The following MOK variants were observed in gnomAD, a reference collection of about 807,000 sequenced individuals.
The protein encoded by MOK is MOK protein kinase, also known as MAPK/MAK/MRK overlapping kinase.
MOK carries 59 observed loss-of-function variants against 54.2 expected under a neutral mutation model. The ratio of observed to expected loss-of-function variants is 1.09; its 90% confidence interval spans 0.88 to 1.35. MOK has a LOEUF of 1.35. Ranked by LOEUF, MOK falls within the 40% of genes most tolerant of loss-of-function variation. The pLI is 0.00. For synonymous variants in MOK, 210 were observed against 202.7 expected, an observed-to-expected ratio of 1.04 and a Z score of -0.31; for missense variants, 517 against 526.2, an observed-to-expected ratio of 0.98 and a Z score of 0.17.
intron 4 of MOK, among the ~76,000 whole-genome samples, chr14:102,254,896 C>A (rs911861611): frequency 1.2e-4 from 18 of 152,180 alleles, no homozygotes; most frequent in Non-Finnish European, 2.2e-4. Flanking sequence ...TCCAGGAACG[C>A]CCTTCCCAGC....
chr14:102,269,462 C>A (rs1034705528), intron 2 of MOK, among the ~76,000 whole-genome samples: 2 of 148,810 alleles, frequency 1.3e-5, no homozygotes, highest in African/African-American at 4.9e-5. Context: ...TGAGCCACCA[C>A]AACCAGCTTT....
At chr14:102,273,024 G>A (rs1314606521) in intron 2 of MOK, among the ~76,000 whole-genome samples, 1 of 152,008 alleles carries the variant, frequency 6.6e-6, no homozygotes, top group Non-Finnish European at 1.5e-5. Context: ...ACAAAAATTC[G>A]CCAGGCGTGG....
intron 1 of MOK, among the ~76,000 whole-genome samples, chr14:102,294,212 C>G (rs970132150): frequency 6.6e-6 from 1 of 150,842 alleles, no homozygotes; most frequent in Non-Finnish European, 1.5e-5. Context: ...TTTGGGAGGC[C>G]AAGGCGGGCG....
chr14:102,286,360 G>A (rs368246847), intron 1 of MOK, among the ~76,000 whole-genome samples: 1 of 141,854 alleles, frequency 7.0e-6, no homozygotes, highest in African/African-American at 2.6e-5. Context: ...AGTGGCTCAC[G>A]CCTGTAATCC....
At chr14:102,222,418 G>T (rs768719821), downstream of MOK, among the ~76,000 whole-genome samples, 119 of 152,212 alleles carry the variant, frequency 7.8e-4, no homozygotes, top group Non-Finnish European at 1.3e-3. This position sits in a 1 kb window ranked among gnomAD's most constrained non-coding sequence, Gnocchi z 4.4. Flanking sequence ...CTGGCTCCGA[G>T]GGACTGGGTG....
At chr14:102,290,257 T>C (rs1306095505) in intron 1 of MOK, among the ~76,000 whole-genome samples, 2 of 150,566 alleles carry the variant, frequency 1.3e-5, no homozygotes, top group African/African-American at 4.9e-5. Flanking sequence ...CTGACCAACA[T>C]GGAAAAACCC....
intron 4 of MOK, among the ~76,000 whole-genome samples, chr14:102,252,363 G>C (rs1376394956): frequency 6.6e-6 from 1 of 151,848 alleles, no homozygotes; most frequent in African/African-American, 2.4e-5. Context: ...GCTGAGGCTG[G>C]AGAATCGCTT....
At chr14:102,222,957 G>T (rs113092506), downstream of MOK, 1 of 1,584,410 alleles carries the variant, frequency 6.3e-7, no homozygotes, top group African/African-American at 1.3e-5. The surrounding 1 kb of genome is among the most constrained non-coding windows in gnomAD (Gnocchi z 4.4). Flanking sequence ...TCCGAGCTGC[G>T]CCTGAGCCGT....
chr14:102,271,132 C>T (rs1037401403), intron 2 of MOK, among the ~76,000 whole-genome samples: 3 of 152,154 alleles, frequency 2.0e-5, no homozygotes, highest in Non-Finnish European at 4.4e-5. Flanking sequence ...TTGCAGCTAG[C>T]CAAGACTGCA....
chr14:102,271,264 T>G (rs2068330568), intron 2 of MOK, among the ~76,000 whole-genome samples: 1 of 152,178 alleles, frequency 6.6e-6, no homozygotes, highest in Admixed American at 6.6e-5. Flanking sequence ...TTTGGCATAG[T>G]TCTGGTTTTT....
At chr14:102,241,775 G>C (rs1309629647) in intron 7 of MOK, among the ~76,000 whole-genome samples, 1 of 152,076 alleles carries the variant, frequency 6.6e-6, no homozygotes, top group African/African-American at 2.4e-5. Flanking sequence ...ATGAATTTCT[G>C]AATTGCAATT....
rs1468225627 is a variant in MOK, at chr14:102,229,617, C to T, written c.1022G>A (p.Arg341Gln). Residue 341 changes from arginine to glutamine, a missense_variant, in exon 11 of 12, where the codon CGA (arginine) becomes CAA (glutamine). Arg to Gln is a conservative substitution (Grantham distance 43, BLOSUM62 1). Coordinates refer to ENST00000361847, the MANE Select transcript of MOK (RefSeq NM_014226.3). Reference protein sequence around the residue: ...LKQEEDRPKRRGPAYVMELPK... With the variant: ...LKQEEDRPKRQGPAYVMELPK... ...CAGTTCCATGACATAGGCCGGTCCT[C>T]GTCTCTTGGGACGGTCCTCCTCTTG... The T allele has an allele frequency of 3.1e-6, 5 of 1,613,970 alleles. No homozygotes were observed. In the South Asian group the frequency reaches 4.4e-5, roughly 14 times the overall value.
intron 1 of MOK, among the ~76,000 whole-genome samples, chr14:102,298,610 A>G (rs1252003475): frequency 6.7e-6 from 1 of 148,730 alleles, no homozygotes; most frequent in African/African-American, 2.6e-5. Context: ...AGCTCTCTGT[A>G]AAACAGACCA....
chr14:102,299,240 G>T (rs548240620), intron 1 of MOK, among the ~76,000 whole-genome samples: 1 of 152,278 alleles, frequency 6.6e-6, no homozygotes, highest in South Asian at 2.1e-4. Context: ...TGGGCCGGAC[G>T]CAGTGGCTCA....
chr14:102,222,458 C>T (rs1180948011), downstream of MOK, among the ~76,000 whole-genome samples: 1 of 152,188 alleles, frequency 6.6e-6, no homozygotes, highest in Non-Finnish European at 1.5e-5. This position sits in a 1 kb window ranked among gnomAD's most constrained non-coding sequence, Gnocchi z 4.4. Context: ...GCCCTGGGCT[C>T]AACCCTGGCT....
intron 1 of MOK, among the ~76,000 whole-genome samples, chr14:102,296,409 A>C (rs2071423159): frequency 6.6e-6 from 1 of 152,154 alleles, no homozygotes; most frequent in African/African-American, 2.4e-5. Context: ...ATACACACAC[A>C]CCAATATATA....
At chr14:102,214,644 C>T in the MOK span, 8 of 984,706 alleles carry the variant, frequency 8.1e-6, no homozygotes, top group South Asian at 2.8e-4. Context: ...TTAGGCGACA[C>T]TGTATAAAAT....
chr14:102,276,710 G>T (rs1440435575), intron 2 of MOK, among the ~76,000 whole-genome samples: 1 of 150,936 alleles, frequency 6.6e-6, no homozygotes, highest in African/African-American at 2.4e-5. Context: ...AGAATCACTT[G>T]AACCCAGGAG....
At chr14:102,282,552 T>C (rs2069558273) in intron 2 of MOK, among the ~76,000 whole-genome samples, 1 of 151,772 alleles carries the variant, frequency 6.6e-6, no homozygotes. Context: ...ACGGGCAACG[T>C]GGTGAAGCCC....
Sources: allele counts gnomAD v4.1 joint callset (sites outside exome capture counted in the v4.1 genomes callset), GRCh38; gene constraint gnomAD v4.1.1; non-coding constraint Gnocchi (gnomAD v3.1); transcripts MANE v1.5; gene names NCBI Gene and HGNC (gene_info 2026-07-23, HGNC 2026-07-21).